MPP7: variants seen among roughly 807,000 people sequenced by gnomAD.
The protein encoded by MPP7 is MAGUK p55 scaffold protein 7.
MPP7 carries 60 observed loss-of-function variants against 76.5 expected under a neutral mutation model. The observed-to-expected ratio is 0.78, with a 90% confidence interval of 0.64 to 0.97. MPP7 has a LOEUF of 0.97. MPP7 is among the 50% of genes least tolerant of loss of function. The pLI, the probability that MPP7 is intolerant of heterozygous loss-of-function variation, is 0.00. For synonymous variants in MPP7, 237 were observed against 244.5 expected (o/e 0.97, Z 0.29); for missense variants, 641 against 694.0 (o/e 0.92, Z 0.86).
intron 12 of MPP7, among the ~76,000 whole-genome samples, chr10:28,079,640 A>C (rs1372129773): frequency 1.3e-5 from 2 of 152,132 alleles, no homozygotes; most frequent in South Asian, 4.1e-4. Flanking sequence ...TTATACTGAC[A>C]AAAAAACAAA....
chr10:28,271,419 AT>A (rs1840322196), intron 1 of MPP7, among the ~76,000 whole-genome samples: 4 of 152,246 alleles, frequency 2.6e-5, no homozygotes, highest in Admixed American at 2.6e-4. Flanking sequence ...TGCCAATCAA[AT>A]ATGACATAAA....
intron 1 of MPP7, among the ~76,000 whole-genome samples, chr10:28,277,261 G>A (rs1840529866): frequency 6.6e-6 from 1 of 151,616 alleles, no homozygotes; most frequent in African/African-American, 2.4e-5. Context: ...GTTTACTTAT[G>A]AGGGAACTGA....
chr10:28,279,939 G>C (rs1244470614), intron 1 of MPP7, among the ~76,000 whole-genome samples: 1 of 152,062 alleles, frequency 6.6e-6, no homozygotes, highest in Non-Finnish European at 1.5e-5. Context: ...GCCAAGGTAA[G>C]AACTTGATGT....
chr10:28,307,625 T>C (rs1354175089), upstream of MPP7: 1 of 152,232 alleles, frequency 6.6e-6, no homozygotes, highest in African/African-American at 2.4e-5. Flanking sequence ...TTCTGATTGC[T>C]CACAGGTAAT....
chr10:28,140,896 A>G (rs1181037089), intron 5 of MPP7, among the ~76,000 whole-genome samples: 1 of 152,220 alleles, frequency 6.6e-6, no homozygotes, highest in Non-Finnish European at 1.5e-5. Flanking sequence ...ATTCCAACAC[A>G]TAGTAAAATG....
intron 3 of MPP7, among the ~76,000 whole-genome samples, chr10:28,170,191 ATTTATGTATATGTTCTG>A (rs1223750778): frequency 1.4e-4 from 21 of 151,900 alleles, no homozygotes; most frequent in African/African-American, 3.4e-4. Flanking sequence ...ATATGTTTCT[ATTTATGTATATGTTCTG>A]TTTATGTATA....
At position 28,053,209 on chromosome 10, in the gene MPP7, T is replaced by C. The variant is rs986147212; in HGVS notation, c.*856A>G. ...TGTTTTAGAATAGAAATCCTTCTTC[T>C]AATTTATTGGAAAAATCCAAAACCA... On this transcript the variant is annotated 3_prime_UTR_variant, in exon 17 of 17. Transcript: ENST00000683449. 12 of 152,218 alleles carry C rather than the reference T, an allele frequency of 7.9e-5. No homozygotes were observed. Among genetic ancestry groups the C allele is most frequent in the African/African-American group, 2.7e-4 (11 of 41,460 alleles). 9.4% of individuals were successfully genotyped at this position (152,218 alleles called of 1,614,324 possible).
rs139318245 is a variant in MPP7, at chr10:28,120,629, C to T, written c.655G>A (p.Gly219Ser). 32 of 1,613,648 alleles carry T rather than the reference C, an allele frequency of 2.0e-5. No individual in the cohort carries two copies. Among genetic ancestry groups the T allele is most frequent in the South Asian group, 1.5e-4 (14 of 91,058 alleles). Residue 219 changes from glycine to serine, a missense_variant, in exon 9 of 17, where the codon GGC (glycine) becomes AGC (serine). Transcript: ENST00000683449. The part of the protein sequence containing the change: ...QGAITFKIIP[G>S]SKEETPSKEG... ...TTTGATGGTGTCTCCTCTTTGCTGC[C>T]GGGTATAATCTTAAATGTAATTGCT...
chr10:28,146,910 C>T (rs148546023), intron 5 of MPP7, among the ~76,000 whole-genome samples: 13 of 152,184 alleles, frequency 8.5e-5, no homozygotes, highest in Non-Finnish European at 1.6e-4. Flanking sequence ...AAACTGATCA[C>T]ATTTGGAGGA....
intron 1 of MPP7, among the ~76,000 whole-genome samples, chr10:28,244,278 A>C (rs545333778): frequency 9.1e-4 from 138 of 152,206 alleles, no homozygotes; most frequent in Non-Finnish European, 1.7e-3. Flanking sequence ...ATTCAAAAAG[A>C]AAGTTAAAAA....
chr10:28,224,693 A>G (rs762254995), intron 2 of MPP7, among the ~76,000 whole-genome samples: 7 of 152,078 alleles, frequency 4.6e-5, no homozygotes, highest in African/African-American at 2.4e-5. Context: ...TCTTCCATCC[A>G]TTACTATTAG....
At chr10:28,122,324 C>A (rs1051969135) in intron 8 of MPP7, among the ~76,000 whole-genome samples, 1 of 152,114 alleles carries the variant, frequency 6.6e-6, no homozygotes, top group South Asian at 2.1e-4. Context: ...TCACAATAAT[C>A]TAGCATATGG....
At chr10:28,292,423 C>T (rs994866404) in intron 1 of MPP7, among the ~76,000 whole-genome samples, 2 of 151,078 alleles carry the variant, frequency 1.3e-5, no homozygotes, top group African/African-American at 4.9e-5. Flanking sequence ...GGGTCTCTTA[C>T]TGTAACAAAG....
intron 1 of MPP7, among the ~76,000 whole-genome samples, chr10:28,300,846 C>T (rs2133155447): frequency 6.6e-6 from 1 of 151,436 alleles, no homozygotes; most frequent in East Asian, 1.9e-4. Context: ...GTAGTCCCAG[C>T]TACTCAAGAG....
At chr10:28,137,357 G>A (rs541480137) in intron 5 of MPP7, among the ~76,000 whole-genome samples, 3 of 152,324 alleles carry the variant, frequency 2.0e-5, no homozygotes, top group East Asian at 1.9e-4. Context: ...CAGACAGGAG[G>A]AAAATGTTGG....
chr10:28,276,209 T>C (rs113839738), intron 1 of MPP7, among the ~76,000 whole-genome samples: 49 of 151,896 alleles, frequency 3.2e-4, no homozygotes, highest in African/African-American at 1.1e-3. Context: ...TTTTGTATTT[T>C]TAGTAGAGAC....
At chr10:28,302,607 A>T (rs952184210) in intron 1 of MPP7, among the ~76,000 whole-genome samples, 1 of 151,960 alleles carries the variant, frequency 6.6e-6, no homozygotes, top group Non-Finnish European at 1.5e-5. Flanking sequence ...CCCGCGCGTC[A>T]ACAGGGGTCT....
intron 12 of MPP7, among the ~76,000 whole-genome samples, chr10:28,078,160 A>T (rs1176793376): frequency 6.6e-6 from 1 of 152,228 alleles, no homozygotes; most frequent in Non-Finnish European, 1.5e-5. Context: ...GAACTCGGGT[A>T]GCTGTTGCTC....
intron 11 of MPP7, among the ~76,000 whole-genome samples, chr10:28,106,927 A>G (rs2133544761): frequency 6.6e-6 from 1 of 152,326 alleles, no homozygotes; most frequent in African/African-American, 2.4e-5. Flanking sequence ...TGTATAATAT[A>G]ATACATCTAC....
Sources: gnomAD v4.1 joint callset for allele counts (sites outside exome capture counted in the v4.1 genomes callset) on GRCh38, gnomAD v4.1.1 for gene constraint, MANE v1.5 for transcripts, NCBI Gene and HGNC (gene_info 2026-07-23, HGNC 2026-07-21) for gene names.